Variants in PNPLA8 observed in about 807,000 individuals in gnomAD.
PNPLA8 encodes the protein patatin like domain 8, phospholipase A2.
In PNPLA8, 39 loss-of-function variants were observed where a neutral mutation model predicts 76.9. The ratio of observed to expected loss-of-function variants is 0.51; its 90% CI spans 0.39 to 0.66. The LOEUF (loss-of-function observed/expected upper bound fraction) is 0.66. PNPLA8 is among the 30% of genes least tolerant of loss of function. PNPLA8 has a pLI of 0.00. For missense variants in PNPLA8, 887 were observed against 918.0 expected (o/e 0.97, Z 0.44); for synonymous variants, 301 against 307.9 (o/e 0.98, Z 0.24).
At chr7:108,500,850 G>A (rs1019567577) in intron 5 of PNPLA8, among the ~76,000 whole-genome samples, 19 of 152,008 alleles carry the variant, frequency 1.2e-4, no homozygotes, top group African/African-American at 4.3e-4. Context: ...GGAGGTGGAG[G>A]TTGCAGTGAG....
chr7:108,476,190 T>C (rs1859980945), intron 10 of PNPLA8, among the ~76,000 whole-genome samples: 1 of 152,352 alleles, frequency 6.6e-6, no homozygotes, highest in South Asian at 2.1e-4. Flanking sequence ...TCTTGTTATA[T>C]CTTTTTCAAA....
chr7:108,507,907 G>C (rs40858), intron 4 of PNPLA8, among the ~76,000 whole-genome samples: 40,259 of 139,394 alleles, frequency 0.29, 6,207 homozygotes, highest in African/African-American at 0.37. Context: ...CATATAAACA[G>C]AGCCAAAGAC....
At position 108,487,916 on chromosome 7, in the gene PNPLA8, G is replaced by A. The variant is rs1860862647; in HGVS notation, c.1721C>T (p.Thr574Ile). Reference protein sequence around the residue: ...AVSTIVNRGITPKAFVFRNYG... With the variant: ...AVSTIVNRGIIPKAFVFRNYG... ...GTTTCTGAACACAAAAGCTTTGGGT[G>A]TTATCCCTCTATTTACTATGGTACT... is the stretch of plus-strand genomic sequence containing the variant. Residue 574 changes from threonine to isoleucine, a missense_variant, in exon 9 of 11, where the codon ACA becomes ATA. Transcript: ENST00000257694. 1 of 1,612,840 alleles carries A rather than the reference G, an allele frequency of 6.2e-7. No homozygotes were observed.
chr7:108,498,259 A>C (rs1861699955), intron 5 of PNPLA8, among the ~76,000 whole-genome samples: 1 of 150,990 alleles, frequency 6.6e-6, no homozygotes, highest in Non-Finnish European at 1.5e-5. Context: ...TTTTTGTCTT[A>C]CATATTTCAC....
In PNPLA8 at chr7:108,472,577, C is replaced by T; in HGVS notation, c.2173G>A (p.Glu725Lys). The change falls in exon 11 of 11, where the codon GAA becomes AAA. Residue 725 changes from glutamate (E) to lysine (K), a missense_variant. Physicochemically the swap from Glu to Lys is moderately conservative, Grantham distance 56 (BLOSUM62 1). Coordinates refer to ENST00000257694, the MANE Select transcript of PNPLA8 (RefSeq NM_001256007.3). ...TCCAACTGCAGCTGATCCAGCTTTT[C>T]ATTTCGACTTTCATCTAGAGGTATG... Reference protein sequence around the residue: ...ENIPLDESRNEKLDQLQLEGL... With the variant: ...ENIPLDESRNKKLDQLQLEGL... 6.2e-7 allele frequency: 1 copy of T among 1,611,392 alleles called. No individual in the cohort carries two copies.
chr7:108,512,766 C>T (rs1453622911), intron 4 of PNPLA8, among the ~76,000 whole-genome samples: 3 of 152,004 alleles, frequency 2.0e-5, no homozygotes, highest in Non-Finnish European at 4.4e-5. Flanking sequence ...TTCAGACTAC[C>T]TAGATTTTTA....
At chr7:108,506,093 A>G (rs555355520) in intron 4 of PNPLA8, among the ~76,000 whole-genome samples, 2 of 152,280 alleles carry the variant, frequency 1.3e-5, no homozygotes, top group African/African-American at 4.8e-5. Flanking sequence ...AAAGATTTAA[A>G]AAGGTTGGGC....
At chr7:108,493,899 T>A (rs111595451) in intron 7 of PNPLA8, among the ~76,000 whole-genome samples, 294 of 152,222 alleles carry the variant, frequency 1.9e-3, no homozygotes, top group African/African-American at 6.2e-3. Flanking sequence ...AAAAATATTA[T>A]GCCAAGGTTC....
At chr7:108,511,040 G>A (rs201885316) in intron 4 of PNPLA8, 5,142 of 365,340 alleles carry the variant, frequency 0.014, 48 homozygotes, top group South Asian at 0.043. Flanking sequence ...TCTCAAATTG[G>A]AAAAAAAAAA....
chr7:108,519,185 A>G (rs40884), intron 2 of PNPLA8, among the ~76,000 whole-genome samples: 60,653 of 151,706 alleles, frequency 0.4, 12,666 homozygotes, highest in African/African-American at 0.48. Flanking sequence ...AACACAGCCA[A>G]GAGTTTGAGA....
chr7:108,515,435 A>G lies in PNPLA8; in HGVS notation c.57T>C (p.Ser19=). The G allele has an allele frequency of 6.2e-7, 1 of 1,604,058 alleles. No homozygotes were observed. Among genetic ancestry groups the G allele is most frequent in the Non-Finnish European group, 8.5e-7 (1 of 1,175,926 alleles). Residue 19 remains serine, a synonymous_variant, in exon 3 of 11, where the codon AGT becomes AGC. Coordinates refer to ENST00000257694, the MANE Select transcript of PNPLA8 (RefSeq NM_001256007.3). ...GCTTGCTTCTCTGCTTCCCACAAAC[A>G]CTTCTTGCATTACTAAGGAGGTAAA... ...IYIYLLSNAR[S]VCGKQRSKQL...
Position 108,514,009 on chromosome 7 carries a change from C to A in PNPLA8, c.1206+135G>T, listed in dbSNP as rs185615337. 7.9e-6 allele frequency: 5 copies of A among 630,636 alleles called. No homozygotes were observed. In the Admixed American group the frequency reaches 1.3e-4, roughly 16 times the overall value. The allele number at this position is 630,636 out of a possible 1,614,324, so 39.1% of individuals were successfully genotyped here. A position where few individuals can be genotyped will look rare whatever the true frequency, so the allele number is the denominator to read the frequency against. Reference sequence around the variant, plus strand: ...TGTCACAAAATAAATAGGGTAATTACTGAATACACATCACATGTATAATAA... The same window carrying A: ...TGTCACAAAATAAATAGGGTAATTAATGAATACACATCACATGTATAATAA... On this transcript the variant is annotated intron_variant, in intron 4 of 10. Transcript: ENST00000257694.
In PNPLA8 at chr7:108,511,254, T is replaced by C. The variant is rs899318171; in HGVS notation, c.1206+2890A>G. Among the ~76,000 whole-genome samples the C allele has an allele frequency of 4.6e-5, 7 of 152,202 alleles. No individual in the cohort carries two copies. The East Asian group carries it at 1.2e-3, about 25-fold the overall frequency. ...CATTCTGCAACTCTAATGAAATTATTAGTTCTGGAAATGATTAGGTTAATG... is the reference window on the plus strand; with the variant it reads ...CATTCTGCAACTCTAATGAAATTATCAGTTCTGGAAATGATTAGGTTAATG... On this transcript the variant is annotated intron_variant, in intron 4 of 10. Transcript: ENST00000257694.
At chr7:108,510,464 G>A in intron 4 of PNPLA8, 1 of 1,436,726 alleles carries the variant, frequency 7.0e-7, no homozygotes, top group Non-Finnish European at 9.7e-7. Flanking sequence ...AAGAAAAGCT[G>A]GCAACTACTT....
intron 4 of PNPLA8, among the ~76,000 whole-genome samples, chr7:108,505,357 T>A (rs1283561087): frequency 2.4e-5 from 1 of 41,638 alleles, no homozygotes; most frequent in Non-Finnish European, 4.7e-5. Flanking sequence ...TATATATTTT[T>A]TTTTTTTTTT....
intron 10 of PNPLA8, among the ~76,000 whole-genome samples, chr7:108,475,336 T>C (rs891025106): frequency 3.9e-5 from 6 of 151,954 alleles, no homozygotes; most frequent in Admixed American, 3.9e-4. Flanking sequence ...CCCGCCCCCA[T>C]GTGCGGAAAA....
intron 4 of PNPLA8, chr7:108,510,612 C>T: frequency 1.3e-6 from 2 of 1,557,090 alleles, no homozygotes; most frequent in South Asian, 1.1e-5. Context: ...CTCAACAAGG[C>T]TTCGACTAAC....
At chr7:108,502,924 CA>C (rs1431448108) in intron 4 of PNPLA8, 3 of 220,396 alleles carry the variant, frequency 1.4e-5, no homozygotes, top group Non-Finnish European at 2.6e-5. Context: ...TAGAAATTTA[CA>C]AATTATTATA....
intron 10 of PNPLA8, 38 bp downstream of exon 10, chr7:108,479,146 A>G (rs1860206698): frequency 7.0e-7 from 1 of 1,436,680 alleles, no homozygotes. Flanking sequence ...CTAGAATGCT[A>G]GAAGTTGAAG....
Sources: gnomAD v4.1 joint callset for allele counts (sites outside exome capture counted in the v4.1 genomes callset) on GRCh38, gnomAD v4.1.1 for gene constraint, MANE v1.5 for transcripts, NCBI Gene and HGNC (gene_info 2026-07-23, HGNC 2026-07-21) for gene names.